The following PDSS2 variants were observed in gnomAD, a reference collection of about 807,000 sequenced individuals.
PDSS2 encodes decaprenyl diphosphate synthase subunit 2, also known as all trans-polyprenyl-diphosphate synthase PDSS2.
In PDSS2, 31 loss-of-function variants were observed where a neutral mutation model predicts 44.5. That is an observed-to-expected ratio of 0.70 (90% CI 0.52 to 0.94). The LOEUF is 0.94. PDSS2 is among the 40% of genes least tolerant of loss of function. The pLI, the probability that PDSS2 is intolerant of heterozygous loss-of-function variation, is 0.00. For synonymous variants in PDSS2, 157 were observed against 180.3 expected (o/e 0.87, Z 1.03); for missense variants, 452 against 482.2 (o/e 0.94, Z 0.59).
intron 1 of PDSS2, among the ~76,000 whole-genome samples, chr6:107,364,921 C>A (rs1323501929): frequency 1.3e-5 from 2 of 152,202 alleles, no homozygotes; most frequent in African/African-American, 4.8e-5. Flanking sequence ...GCAGTGAAAT[C>A]AATGATACAC....
chr6:107,314,003 T>C (rs1777127299), intron 2 of PDSS2, among the ~76,000 whole-genome samples: 1 of 151,990 alleles, frequency 6.6e-6, no homozygotes, highest in Admixed American at 6.6e-5. Context: ...AGGTAGCACT[T>C]GTAGTCCCAG....
intron 2 of PDSS2, among the ~76,000 whole-genome samples, chr6:107,311,638 G>A (rs1393170067): frequency 4.6e-5 from 7 of 152,176 alleles, no homozygotes; most frequent in African/African-American, 1.7e-4. Context: ...AAAAATAAAA[G>A]CAGATAATAT....
intron 3 of PDSS2, among the ~76,000 whole-genome samples, chr6:107,249,928 A>G (rs1253114365): frequency 6.6e-6 from 1 of 152,212 alleles, no homozygotes; most frequent in Non-Finnish European, 1.5e-5. Context: ...GACATAATTA[A>G]CCTTTGTGAT....
chr6:107,241,674 A>AGTGGCGCGAT, intron 4 of PDSS2, among the ~76,000 whole-genome samples: 1 of 152,180 alleles, frequency 6.6e-6, no homozygotes, highest in South Asian at 2.1e-4. Flanking sequence ...GGAGAAGGTG[A>AGTGGCGCGAT]CTTCTAATGT....
At chr6:107,454,421 A>T (rs559564829) in intron 1 of PDSS2, among the ~76,000 whole-genome samples, 2 of 152,334 alleles carry the variant, frequency 1.3e-5, no homozygotes, top group Non-Finnish European at 2.9e-5. Context: ...AGTTTACAAC[A>T]GAGAGATCCT....
rs373170047 is a variant in PDSS2 at position 107,196,626 on chromosome 6, T to A, written c.1009-2772A>T. On this transcript the variant is annotated intron_variant, in intron 6 of 7. Coordinates refer to ENST00000369037, the MANE Select transcript of PDSS2 (RefSeq NM_020381.4). The stretch of plus-strand genomic sequence containing the variant: ...AATATATATTTGGTCATAGTCCAGT[T>A]TTCTGGCATACAACTCCTAAAATCT... 8.5e-5 allele frequency among the ~76,000 whole-genome samples: 13 copies of A among 152,232 alleles called. No homozygotes were observed. In the East Asian group the frequency reaches 9.6e-4, roughly 11 times the overall value.
intron 1 of PDSS2, among the ~76,000 whole-genome samples, chr6:107,412,047 G>A (rs1328135054): frequency 2.0e-5 from 3 of 150,554 alleles, no homozygotes; most frequent in Non-Finnish European, 3.0e-5. Context: ...CACCACGCCC[G>A]GCTAATTTTT....
At chr6:107,321,253 A>G (rs1777373142) in intron 2 of PDSS2, among the ~76,000 whole-genome samples, 1 of 152,208 alleles carries the variant, frequency 6.6e-6, no homozygotes, top group African/African-American at 2.4e-5. Context: ...GACAAGATAA[A>G]TATGCAGATT....
chr6:107,242,412 C>T (rs1329934042), intron 4 of PDSS2, among the ~76,000 whole-genome samples: 1 of 151,978 alleles, frequency 6.6e-6, no homozygotes. Flanking sequence ...CACAGGCGCC[C>T]GCCACTGTGC....
chr6:107,274,219 C>T lies in PDSS2; in HGVS notation c.440G>A (p.Ser147Asn). The T allele has an allele frequency of 1.2e-6, 2 of 1,611,158 alleles. No homozygotes were observed. Among genetic ancestry groups the T allele is most frequent in the Non-Finnish European group, 1.7e-6 (2 of 1,177,194 alleles). The change falls in exon 3 of 8, where the codon AGT becomes AAT. Residue 147 changes from serine to asparagine, a missense_variant. Coordinates refer to ENST00000369037, the MANE Select transcript of PDSS2 (RefSeq NM_020381.4). ...MVSGIYSCQR[S>N]LAEITELIHI... The stretch of plus-strand genomic sequence containing the variant: ...AATTAGCTCCGTGATCTCTGCCAAA[C>T]TTCTTTGACTAAAACATAAAGGTAA...
intron 1 of PDSS2, among the ~76,000 whole-genome samples, chr6:107,334,694 C>T (rs1372442017): frequency 1.4e-5 from 2 of 145,362 alleles, no homozygotes; most frequent in African/African-American, 2.6e-5. Context: ...GTATGCACCA[C>T]GATGCTCAGC....
At chr6:107,272,764 T>A (rs980778133) in intron 3 of PDSS2, among the ~76,000 whole-genome samples, 2 of 151,796 alleles carry the variant, frequency 1.3e-5, no homozygotes, top group African/African-American at 4.8e-5. Flanking sequence ...GGGAGGATCG[T>A]TTGAGGCCAG....
intron 3 of PDSS2, among the ~76,000 whole-genome samples, chr6:107,254,781 CTGT>C (rs1325686075): frequency 2.6e-5 from 4 of 152,182 alleles, no homozygotes; most frequent in African/African-American, 9.7e-5. Context: ...AACTGAAAGA[CTGT>C]TGTTGGCTAG....
chr6:107,291,499 C>G lies in PDSS2; in HGVS notation c.432-17272G>C, dbSNP rs376184083. 7.9e-5 allele frequency among the ~76,000 whole-genome samples: 12 copies of G among 150,958 alleles called. 1 individual carries two copies. In the East Asian group the frequency reaches 2.4e-3, roughly 30 times the overall value. On this transcript the variant is annotated intron_variant, in intron 2 of 7. Transcript: ENST00000369037. ...AGTAGCTGGGATTACAGGTGCGCGCCACCATACCCAGCTAATTTTTAGTTA... is the reference window on the plus strand; with the variant it reads ...AGTAGCTGGGATTACAGGTGCGCGCGACCATACCCAGCTAATTTTTAGTTA...
chr6:107,157,325 C>T (rs547954807), intron 7 of PDSS2, among the ~76,000 whole-genome samples: 12 of 152,054 alleles, frequency 7.9e-5, no homozygotes, highest in South Asian at 2.1e-4. Flanking sequence ...GCTGGGAAGA[C>T]AGGCATGCAC....
chr6:107,170,283 G>A (rs1326524031), intron 7 of PDSS2, among the ~76,000 whole-genome samples: 8 of 152,166 alleles, frequency 5.3e-5, no homozygotes, highest in Admixed American at 2.0e-4. Flanking sequence ...AGCCAGGCAC[G>A]GGATATAATC....
intron 1 of PDSS2, among the ~76,000 whole-genome samples, chr6:107,405,635 C>A (rs1484446283): frequency 1.3e-5 from 2 of 151,920 alleles, no homozygotes; most frequent in African/African-American, 2.4e-5. Context: ...ATCACGAGGT[C>A]AGGAGATCGA....
At chr6:107,338,649 T>G (rs984926711) in intron 1 of PDSS2, among the ~76,000 whole-genome samples, 6 of 152,028 alleles carry the variant, frequency 3.9e-5, no homozygotes, top group African/African-American at 1.5e-4. Flanking sequence ...ATCTAAAGGA[T>G]GAGTGAGAGG....
intron 1 of PDSS2, among the ~76,000 whole-genome samples, chr6:107,337,279 C>G (rs1777935320): frequency 6.6e-6 from 1 of 152,068 alleles, no homozygotes; most frequent in South Asian, 2.1e-4. Flanking sequence ...AGGTACCATA[C>G]CTGGTAGGTG....
Sources: gnomAD v4.1 joint callset for allele counts (sites outside exome capture counted in the v4.1 genomes callset) on GRCh38, gnomAD v4.1.1 for gene constraint, MANE v1.5 for transcripts, NCBI Gene and HGNC (gene_info 2026-07-23, HGNC 2026-07-21) for gene names.